PSPC1: variants seen among roughly 807,000 people sequenced by gnomAD.
PSPC1 encodes the protein paraspeckle protein 1.
Under a neutral mutation model 51.6 loss-of-function variants are expected in PSPC1, and 14 were observed. That is an observed-to-expected ratio of 0.27 (90% CI 0.18 to 0.42). The LOEUF (loss-of-function observed/expected upper bound fraction) is 0.42. Among genes scored for constraint, PSPC1 ranks in the 10% least tolerant of loss-of-function variants. The probability of loss-of-function intolerance (pLI) is 1.00; values close to 1 mark genes in which losing one functional copy is unlikely to be tolerated. For missense variants in PSPC1, 406 were observed against 701.1 expected (o/e 0.58, Z 4.75); for synonymous variants, 193 against 231.9 (o/e 0.83, Z 1.53).
chr13:19,780,966 G>A lies in PSPC1; in HGVS notation c.372+1420C>T, dbSNP rs574715681. Among the ~76,000 whole-genome samples the A allele has an allele frequency of 3.9e-5, 6 of 151,934 alleles. No homozygotes were observed. In the South Asian group the frequency reaches 1.0e-3, roughly 26 times the overall value. On this transcript the variant is annotated intron_variant, in intron 1 of 8. Coordinates refer to ENST00000338910, the MANE Select transcript of PSPC1 (RefSeq NM_001354909.2). ...GAGCCCAGGAATTCGAAAGCAACCT[G>A]GACAACATGGCGAAACACCGCCTCT...
At chr13:19,704,687 TA>T (rs1401616776) in intron 8 of PSPC1, among the ~76,000 whole-genome samples, 1 of 152,132 alleles carries the variant, frequency 6.6e-6, no homozygotes. Flanking sequence ...TGACAGACTT[TA>T]ATAGAAATGA....
intron 3 of PSPC1, among the ~76,000 whole-genome samples, chr13:19,754,231 C>A (rs1886849122): frequency 6.6e-6 from 1 of 151,820 alleles, no homozygotes; most frequent in Non-Finnish European, 1.5e-5. Context: ...ATTACAGGCT[C>A]CTGCCACCAC....
intron 2 of PSPC1, among the ~76,000 whole-genome samples, chr13:19,761,768 T>C (rs1415658441): frequency 6.6e-6 from 1 of 152,138 alleles, no homozygotes; most frequent in East Asian, 1.9e-4. Context: ...ATGAAGATGA[T>C]GCATTTTATG....
intron 7 of PSPC1, among the ~76,000 whole-genome samples, chr13:19,708,221 T>A (rs1006197425): frequency 2.6e-5 from 4 of 152,212 alleles, no homozygotes; most frequent in African/African-American, 9.6e-5. Flanking sequence ...ATGGAAAATG[T>A]TCATTCCACA....
At position 19,782,820 on chromosome 13, in the gene PSPC1, T is replaced by C; in HGVS notation, c.-63A>G. 3 of 1,455,690 alleles carry C rather than the reference T, an allele frequency of 2.1e-6. No individual in the cohort carries two copies. The highest frequency in any genetic ancestry group is 2.7e-6 in the Non-Finnish European group (3 of 1,115,388). The allele number at this position is 1,455,690 out of a possible 1,614,324, so 90.2% of individuals were successfully genotyped here. On this transcript the variant is annotated 5_prime_UTR_variant, in exon 1 of 9. It adds an upstream start codon to the 5' untranslated region. Coordinates refer to ENST00000338910, the MANE Select transcript of PSPC1 (RefSeq NM_001354909.2). This position sits in a 1 kb window ranked among gnomAD's most constrained non-coding sequence, Gnocchi z 4.5. ...GATTTATAGACAGTGTGTCTATATA[T>C]ATGTATACGTCTCTACATAAACCTA...
intron 5 of PSPC1, among the ~76,000 whole-genome samples, chr13:19,741,169 C>T (rs1419036228): frequency 1.3e-5 from 2 of 152,112 alleles, no homozygotes; most frequent in East Asian, 3.8e-4. Flanking sequence ...CTACTGCCCC[C>T]AGCCTCAGAA....
chr13:19,717,230 A>T (rs1782718791), intron 6 of PSPC1, among the ~76,000 whole-genome samples: 1 of 152,112 alleles, frequency 6.6e-6, no homozygotes, highest in African/African-American at 2.4e-5. Context: ...AAAAGTATTA[A>T]GATACTGAAC....
At chr13:19,715,678 G>A (rs570181569) in intron 6 of PSPC1, among the ~76,000 whole-genome samples, 3 of 152,100 alleles carry the variant, frequency 2.0e-5, no homozygotes, top group South Asian at 2.1e-4. Flanking sequence ...CCAATTGCTC[G>A]AGCCCAGGAA....
At chr13:19,768,224 C>A (rs1424574764) in intron 2 of PSPC1, among the ~76,000 whole-genome samples, 1 of 151,242 alleles carries the variant, frequency 6.6e-6, no homozygotes, top group Non-Finnish European at 1.5e-5. Context: ...GACCGTGTCC[C>A]CCCCCAAAAA....
At chr13:19,694,148 A>C (rs1335760590) in intron 6 of PSPC1, among the ~76,000 whole-genome samples, 2 of 31,996 alleles carry the variant, frequency 6.3e-5, no homozygotes, top group Non-Finnish European at 9.9e-5. Context: ...AAAAAAAAAA[A>C]AACCATATAT....
intron 2 of PSPC1, among the ~76,000 whole-genome samples, chr13:19,770,354 T>C (rs1888510366): frequency 6.6e-6 from 1 of 152,218 alleles, no homozygotes; most frequent in African/African-American, 2.4e-5. Context: ...TGAGTACATA[T>C]GTTTGTTAAA....
In PSPC1 at chr13:19,782,686, G is replaced by C. The variant is rs1271003868; in HGVS notation, c.72C>G (p.Ser24=). 1.3e-6 allele frequency: 2 copies of C among 1,567,628 alleles called. No individual in the cohort carries two copies. Among genetic ancestry groups the C allele is most frequent in the Non-Finnish European group, 1.7e-6 (2 of 1,166,322 alleles). ...CCGCCGGCTCGCTCTCGCCCACCGC[G>C]GACTCCAGGGCGCGAAGGCGGGCCG... ...KNPARLRALE[S]AVGESEPAAA... Residue 24 remains serine (S), a synonymous_variant, in exon 1 of 9, where the codon TCC becomes TCG. Coordinates refer to ENST00000338910, the MANE Select transcript of PSPC1 (RefSeq NM_001354909.2). The surrounding 1 kb of genome is among the most constrained non-coding windows in gnomAD (Gnocchi z 4.5).
At chr13:19,741,246 A>C (rs1052671025) in intron 5 of PSPC1, among the ~76,000 whole-genome samples, 4 of 152,172 alleles carry the variant, frequency 2.6e-5, no homozygotes, top group African/African-American at 9.7e-5. Context: ...TTTTACACAT[A>C]ACAAAATAAA....
chr13:19,726,073 T>C (rs1455135670), intron 6 of PSPC1, among the ~76,000 whole-genome samples: 2 of 152,148 alleles, frequency 1.3e-5, no homozygotes, highest in Non-Finnish European at 2.9e-5. Context: ...GAAGATTCAC[T>C]TAAGCCCAGG....
At chr13:19,692,078 AACT>A (rs1191564080) in intron 6 of PSPC1, among the ~76,000 whole-genome samples, 6 of 152,270 alleles carry the variant, frequency 3.9e-5, no homozygotes, top group Non-Finnish European at 7.4e-5. Flanking sequence ...TCAGATGGGA[AACT>A]ACTGTTTGAA....
chr13:19,727,286 C>T (rs764825689), intron 6 of PSPC1, among the ~76,000 whole-genome samples: 3 of 151,952 alleles, frequency 2.0e-5, no homozygotes, highest in Admixed American at 6.6e-5. Flanking sequence ...CCCAGCTACT[C>T]GGGAGGCTAA....
At chr13:19,729,389 T>C (rs9551990) in intron 6 of PSPC1, among the ~76,000 whole-genome samples, 100,072 of 151,616 alleles carry the variant, frequency 0.66, 36,749 homozygotes, top group East Asian at 0.89. Flanking sequence ...ATACAAAAAT[T>C]AGCCAGGTGT....
chr13:19,685,586 G>A (rs1877779006), intron 6 of PSPC1, among the ~76,000 whole-genome samples: 1 of 152,156 alleles, frequency 6.6e-6, no homozygotes, highest in African/African-American at 2.4e-5. Context: ...CTGACAGAAA[G>A]AGCACTGAAA....
chr13:19,730,493 T>C lies in PSPC1; in HGVS notation c.1053-149A>G, dbSNP rs1883917448. 7.6e-6 allele frequency: 5 copies of C among 661,668 alleles called. No individual in the cohort carries two copies. In the Admixed American group the frequency reaches 7.6e-5, roughly 10 times the overall value. 41.0% of individuals were successfully genotyped at this position (661,668 alleles called of 1,614,324 possible). ...CCACGGCATCCTAAATTTACCTTCC[T>C]TCTATGTCACTCCAAGCCTTTAATA... On this transcript the variant is annotated intron_variant, in intron 5 of 8. Transcript: ENST00000338910.
Sources: gnomAD v4.1 joint callset for allele counts (sites outside exome capture counted in the v4.1 genomes callset) on GRCh38, gnomAD v4.1.1 for gene constraint, Gnocchi (gnomAD v3.1) non-coding constraint, MANE v1.5 for transcripts, NCBI Gene and HGNC (gene_info 2026-07-23, HGNC 2026-07-21) for gene names.